Variants in CNTNAP4 observed in about 807,000 individuals in gnomAD.
The protein encoded by CNTNAP4 is contactin associated protein family member 4, also known as contactin-associated protein-like 4.
Under a neutral mutation model 148.4 loss-of-function variants are expected in CNTNAP4, and 98 were observed. That is an observed-to-expected ratio of 0.66 (90% CI 0.56 to 0.78). CNTNAP4 has a LOEUF of 0.78. CNTNAP4 is among the 30% of genes least tolerant of loss of function. CNTNAP4 has a pLI of 0.00. For missense variants in CNTNAP4, 1,935 were observed against 1,565.6 expected (o/e 1.24, Z -3.98); for synonymous variants, 730 against 565.1 (o/e 1.29, Z -4.14).
At chr16:76,371,695 C>A (rs2014843595) in intron 3 of CNTNAP4, among the ~76,000 whole-genome samples, 1 of 152,208 alleles carries the variant, frequency 6.6e-6, no homozygotes, top group Non-Finnish European at 1.5e-5. Context: ...ATGGCTCTGT[C>A]CAGTCCTAAC....
rs796556588 is a variant in CNTNAP4, at chr16:76,450,150, AT to A, written c.1071+302del. Among the ~76,000 whole-genome samples the A allele has an allele frequency of 6.7e-3, 991 of 148,452 alleles. 9 individuals carry two copies. Among genetic ancestry groups the A allele is most frequent in the African/African-American group, 0.023 (943 of 40,582 alleles). On this transcript the variant is annotated intron_variant, in intron 7 of 23. Coordinates refer to ENST00000611870, the MANE Select transcript of CNTNAP4 (RefSeq NM_033401.5). Reference sequence around the variant, plus strand: ...AGGAGCCTAATTTCTTTTAATCTGTATTTTTTTTTTCTTTTTTGAGATGAAG... The same window carrying A: ...AGGAGCCTAATTTCTTTTAATCTGTATTTTTTTTTCTTTTTTGAGATGAAG...
intron 2 of CNTNAP4, among the ~76,000 whole-genome samples, chr16:76,321,616 C>A (rs1962419721): frequency 1.3e-5 from 2 of 151,644 alleles, no homozygotes; most frequent in Admixed American, 6.6e-5. Context: ...GGTGAAACCC[C>A]ATCTCTACTA....
chr16:76,361,450 AGTTT>A (rs374487436), intron 3 of CNTNAP4, among the ~76,000 whole-genome samples: 322 of 152,300 alleles, frequency 2.1e-3, no homozygotes, highest in Middle Eastern at 6.8e-3. Context: ...ATGTCGTCAA[AGTTT>A]GTTTGTGCTG....
intron 10 of CNTNAP4, among the ~76,000 whole-genome samples, 186 bp downstream of exon 10, chr16:76,467,709 C>A (rs924705771): frequency 3.9e-5 from 6 of 152,056 alleles, no homozygotes; most frequent in African/African-American, 1.4e-4. Context: ...TTTTAAATGA[C>A]AACATTTGGA....
At chr16:76,368,993 TCTAAAAAACA>T (rs1282915651) in intron 3 of CNTNAP4, among the ~76,000 whole-genome samples, 4 of 151,836 alleles carry the variant, frequency 2.6e-5, no homozygotes, top group African/African-American at 4.8e-5. Context: ...TATGAAACTT[TCTAAAAAACA>T]GTAAAAAATA....
At chr16:76,298,888 C>T (rs1350468489) in intron 1 of CNTNAP4, among the ~76,000 whole-genome samples, 1 of 152,048 alleles carries the variant, frequency 6.6e-6, no homozygotes, top group Non-Finnish European at 1.5e-5. Flanking sequence ...AGAAATGATT[C>T]AAGTGTGGTT....
chr16:76,337,166 G>A (rs1004042897), intron 2 of CNTNAP4, among the ~76,000 whole-genome samples: 20 of 152,188 alleles, frequency 1.3e-4, no homozygotes, highest in Non-Finnish European at 4.4e-5. Context: ...AGTTGGTGAT[G>A]AACATGTGTA....
intron 2 of CNTNAP4, among the ~76,000 whole-genome samples, chr16:76,320,209 G>A (rs186573091): frequency 1.3e-5 from 2 of 152,254 alleles, no homozygotes; most frequent in African/African-American, 4.8e-5. Flanking sequence ...AAATTTGGTC[G>A]AATTGTGTTC....
intron 3 of CNTNAP4, among the ~76,000 whole-genome samples, chr16:76,377,707 T>G (rs11864175): frequency 0.011 from 1,661 of 152,256 alleles, 22 homozygotes; most frequent in African/African-American, 0.036. Flanking sequence ...AAAAGGAGAA[T>G]AAATGTGTTT....
chr16:76,391,165 T>A (rs781406752), intron 3 of CNTNAP4, among the ~76,000 whole-genome samples: 1 of 152,184 alleles, frequency 6.6e-6, no homozygotes, highest in Non-Finnish European at 1.5e-5. Flanking sequence ...CCCTTCCCAA[T>A]CTTTTATCTA....
At chr16:76,431,398 G>A (rs2079599002) in intron 4 of CNTNAP4, among the ~76,000 whole-genome samples, 1 of 152,136 alleles carries the variant, frequency 6.6e-6, no homozygotes, top group African/African-American at 2.4e-5. Context: ...GGGGAGGAAG[G>A]GCAAGGCGCG....
At chr16:76,386,751 G>A (rs977095929) in intron 3 of CNTNAP4, among the ~76,000 whole-genome samples, 1 of 152,054 alleles carries the variant, frequency 6.6e-6, no homozygotes, top group Non-Finnish European at 1.5e-5. Flanking sequence ...CTATAAAAAA[G>A]GCATATTGGG....
At chr16:76,418,973 C>G (rs1267372274) in intron 3 of CNTNAP4, among the ~76,000 whole-genome samples, 2 of 151,832 alleles carry the variant, frequency 1.3e-5, no homozygotes, top group Non-Finnish European at 2.9e-5. Context: ...CAGAGGCGGT[C>G]TTTGTTTTTT....
At chr16:76,555,519 A>G (rs1386681214) in intron 23 of CNTNAP4, among the ~76,000 whole-genome samples, 2 of 152,218 alleles carry the variant, frequency 1.3e-5, no homozygotes, top group Non-Finnish European at 2.9e-5. Context: ...TCAGTCTTAT[A>G]ATATTGCTTT....
chr16:76,297,969 C>T (rs1021935001), intron 1 of CNTNAP4, among the ~76,000 whole-genome samples: 5 of 152,172 alleles, frequency 3.3e-5, no homozygotes, highest in African/African-American at 7.2e-5. Context: ...TCTTATCACC[C>T]GTAATCAGAA....
At chr16:76,356,625 T>G (rs771660709) in intron 3 of CNTNAP4, among the ~76,000 whole-genome samples, 11 of 151,956 alleles carry the variant, frequency 7.2e-5, no homozygotes, top group Admixed American at 1.3e-4. Context: ...AAGAACAATG[T>G]ACTGCAATCA....
At chr16:76,497,326 A>G (rs1328683675) in intron 14 of CNTNAP4, among the ~76,000 whole-genome samples, 2 of 152,222 alleles carry the variant, frequency 1.3e-5, no homozygotes, top group African/African-American at 4.8e-5. Context: ...TTGTTAAAAA[A>G]CATAATGTCT....
intron 15 of CNTNAP4, among the ~76,000 whole-genome samples, chr16:76,503,551 T>A (rs534311652): frequency 9.0e-4 from 137 of 152,300 alleles, no homozygotes; most frequent in African/African-American, 3.1e-3. Flanking sequence ...TATTATACTT[T>A]AAGTTCTAGG....
chr16:76,539,622 A>G lies in CNTNAP4; in HGVS notation c.3221-97A>G, dbSNP rs558472102. The stretch of plus-strand genomic sequence containing the variant: ...GGTATCTTCCAATTTTTCCCTCGAA[A>G]TGAATAAATAGCAACAAAAAATCAC... On this transcript the variant is annotated intron_variant, in intron 19 of 23. Transcript: ENST00000611870. 9 of 1,022,922 alleles carry G rather than the reference A, an allele frequency of 8.8e-6. No individual in the cohort carries two copies. In the East Asian group the frequency reaches 1.6e-4, roughly 18 times the overall value. The allele number at this position is 1,022,922 out of a possible 1,614,324, so 63.4% of individuals were successfully genotyped here. A position where few individuals can be genotyped will look rare whatever the true frequency, so the allele number is the denominator to read the frequency against.
Sources: allele counts gnomAD v4.1 joint callset (sites outside exome capture counted in the v4.1 genomes callset), GRCh38; gene constraint gnomAD v4.1.1; transcripts MANE v1.5; gene names NCBI Gene and HGNC (gene_info 2026-07-23, HGNC 2026-07-21).